Variants in HMGCLL1 observed in about 807,000 individuals in gnomAD.
The protein encoded by HMGCLL1 is 3-hydroxy-3-methylglutaryl-CoA lyase like 1.
A neutral mutation model predicts 39.1 loss-of-function variants in HMGCLL1; 36 were observed. The observed-to-expected ratio is 0.92, with a 90% CI of 0.71 to 1.22. The LOEUF is 1.22. HMGCLL1 is among the 50% of genes most tolerant of loss of function. The pLI, the probability that HMGCLL1 is intolerant of heterozygous loss-of-function variation, is 0.00. For missense variants in HMGCLL1, 451 were observed against 416.5 expected (o/e 1.08, Z -0.72); for synonymous variants, 149 against 144.0 (o/e 1.03, Z -0.25).
Position 55,579,120 on chromosome 6 carries a change from G to C in HMGCLL1, c.-65C>G, listed in dbSNP as rs1213958404. On this transcript the variant is annotated 5_prime_UTR_variant, in exon 1 of 9. Transcript: ENST00000274901. Reference sequence around the variant, plus strand: ...TGGAGGAGGATGAGGGGCGGGCACCGCGCTGGGAAACTGCGCCAGCTCGGG... The same window carrying C: ...TGGAGGAGGATGAGGGGCGGGCACCCCGCTGGGAAACTGCGCCAGCTCGGG... 5.5e-6 allele frequency: 7 copies of C among 1,278,572 alleles called. No homozygotes were observed. Among genetic ancestry groups the C allele is most frequent in the Non-Finnish European group, 7.8e-6 (7 of 898,504 alleles). 79.2% of individuals were successfully genotyped at this position (1,278,572 alleles called of 1,614,324 possible).
At chr6:55,555,405 T>C (rs1770600326) in intron 1 of HMGCLL1, among the ~76,000 whole-genome samples, 1 of 152,172 alleles carries the variant, frequency 6.6e-6, no homozygotes. Flanking sequence ...CCCTTACTCT[T>C]TATTATGCTT....
chr6:55,619,548 CA>C, the HMGCLL1 span, among the ~76,000 whole-genome samples: 4 of 151,188 alleles, frequency 2.6e-5, no homozygotes, highest in East Asian at 1.9e-4. Flanking sequence ...ACTTATTTTC[CA>C]AAAAAAATTA....
At chr6:55,494,543 CA>C (rs1388863466) in intron 7 of HMGCLL1, among the ~76,000 whole-genome samples, 6 of 152,154 alleles carry the variant, frequency 3.9e-5, no homozygotes, top group Admixed American at 3.9e-4. Flanking sequence ...GATTTGTACA[CA>C]TATGTTACAA....
intron 7 of HMGCLL1, among the ~76,000 whole-genome samples, chr6:55,459,268 AT>A (rs1764454322): frequency 6.6e-6 from 1 of 152,204 alleles, no homozygotes; most frequent in African/African-American, 2.4e-5. Flanking sequence ...TAGAAAAGAT[AT>A]AATGTATACA....
At chr6:55,569,312 G>A (rs1021678659) in intron 1 of HMGCLL1, among the ~76,000 whole-genome samples, 4 of 152,100 alleles carry the variant, frequency 2.6e-5, no homozygotes, top group African/African-American at 9.7e-5. Flanking sequence ...GCAGATACAG[G>A]GGTAGAGGAG....
At chr6:55,668,662 A>G in the HMGCLL1 span, among the ~76,000 whole-genome samples, 3 of 151,886 alleles carry the variant, frequency 2.0e-5, no homozygotes, top group Non-Finnish European at 4.4e-5. Flanking sequence ...CCTGAACTCA[A>G]GGCAGCCAAA....
chr6:55,670,789 C>A, the HMGCLL1 span, among the ~76,000 whole-genome samples: 1 of 151,694 alleles, frequency 6.6e-6, no homozygotes, highest in East Asian at 1.9e-4. Flanking sequence ...ATAATAAAAT[C>A]ACTTGCTAAT....
chr6:55,557,777 C>T (rs1770748828), intron 1 of HMGCLL1, among the ~76,000 whole-genome samples: 2 of 151,954 alleles, frequency 1.3e-5, no homozygotes, highest in South Asian at 4.2e-4. Context: ...TAAATGTTTT[C>T]CGTATACAAG....
At chr6:55,476,177 T>C (rs1344765340) in intron 7 of HMGCLL1, among the ~76,000 whole-genome samples, 1 of 151,612 alleles carries the variant, frequency 6.6e-6, no homozygotes, top group East Asian at 1.9e-4. Flanking sequence ...AACTGGTATT[T>C]GTTCAATATT....
chr6:55,492,281 TC>T (rs1766352388), intron 7 of HMGCLL1, among the ~76,000 whole-genome samples: 1 of 152,220 alleles, frequency 6.6e-6, no homozygotes, highest in Non-Finnish European at 1.5e-5. Context: ...TTAGATTTTC[TC>T]TGATTCTCCT....
intron 7 of HMGCLL1, among the ~76,000 whole-genome samples, chr6:55,446,608 T>C (rs901404609): frequency 1.3e-5 from 2 of 151,962 alleles, no homozygotes; most frequent in African/African-American, 4.8e-5. Flanking sequence ...TGTATTCTAA[T>C]CTTAGGTGAG....
the HMGCLL1 span, among the ~76,000 whole-genome samples, chr6:55,632,485 A>G: frequency 2.6e-5 from 4 of 151,356 alleles, no homozygotes; most frequent in African/African-American, 9.7e-5. Flanking sequence ...TTGGCAGTTT[A>G]TCATTAGGTC....
chr6:55,638,064 T>G, the HMGCLL1 span, among the ~76,000 whole-genome samples: 1 of 152,046 alleles, frequency 6.6e-6, no homozygotes, highest in Admixed American at 6.6e-5. Flanking sequence ...AAGTCTCCAT[T>G]GCAATTGTGA....
intron 7 of HMGCLL1, among the ~76,000 whole-genome samples, chr6:55,486,346 C>T (rs1414000205): frequency 6.6e-6 from 1 of 151,938 alleles, no homozygotes; most frequent in African/African-American, 2.4e-5. Flanking sequence ...TTTCATAGTA[C>T]ACACTATTTT....
chr6:55,647,548 T>C, the HMGCLL1 span, among the ~76,000 whole-genome samples: 1 of 140,688 alleles, frequency 7.1e-6, no homozygotes, highest in East Asian at 2.1e-4. Context: ...TTAGATTTTC[T>C]TATCAATTGT....
intron 1 of HMGCLL1, among the ~76,000 whole-genome samples, chr6:55,553,413 G>T (rs1041959469): frequency 2.0e-5 from 3 of 151,844 alleles, no homozygotes; most frequent in African/African-American, 7.3e-5. Context: ...ACTCCAGCCT[G>T]GGTGACAGAA....
chr6:55,562,797 A>G (rs751335302), intron 1 of HMGCLL1, among the ~76,000 whole-genome samples: 2 of 152,062 alleles, frequency 1.3e-5, no homozygotes, highest in Non-Finnish European at 2.9e-5. Flanking sequence ...GCTTTCTCAT[A>G]CATACCCAAT....
At chr6:55,666,145 T>C in the HMGCLL1 span, among the ~76,000 whole-genome samples, 1 of 151,694 alleles carries the variant, frequency 6.6e-6, no homozygotes, top group Non-Finnish European at 1.5e-5. Context: ...TTTTTTTTGG[T>C]TCTGAATCAA....
chr6:55,437,262 T>C lies in HMGCLL1; in HGVS notation c.922-1499A>G, dbSNP rs537076599. Reference sequence around the variant, plus strand: ...TCGTATACTATGATAGATTCTGGAGTTTCAAGAACCTCACGTAGAATGTGG... The same window carrying C: ...TCGTATACTATGATAGATTCTGGAGCTTCAAGAACCTCACGTAGAATGTGG... On this transcript the variant is annotated intron_variant, in intron 8 of 8. Coordinates refer to ENST00000274901, the MANE Select transcript of HMGCLL1 (RefSeq NM_001042406.2). Among the ~76,000 whole-genome samples the C allele has an allele frequency of 7.2e-4, 109 of 151,664 alleles. 1 individual carries two copies. Among genetic ancestry groups the C allele is most frequent in the Non-Finnish European group, 1.9e-4 (13 of 67,900 alleles).
Sources: allele counts gnomAD v4.1 joint callset (sites outside exome capture counted in the v4.1 genomes callset), GRCh38; gene constraint gnomAD v4.1.1; transcripts MANE v1.5; gene names NCBI Gene and HGNC (gene_info 2026-07-23, HGNC 2026-07-21).